Variants in PHF24 observed in about 807,000 individuals in gnomAD.
PHF24 encodes PHD finger protein 24.
Under a neutral mutation model 42.6 loss-of-function variants are expected in PHF24, and 25 were observed. The ratio of observed to expected loss-of-function variants is 0.59; its 90% CI spans 0.43 to 0.82. The LOEUF (loss-of-function observed/expected upper bound fraction) is 0.82. Ranked by LOEUF, PHF24 falls within the 40% of genes least tolerant of loss-of-function variation. The pLI is 0.00. For missense variants in PHF24, 470 were observed against 538.1 expected, an observed-to-expected ratio of 0.87 and a Z score of 1.25; for synonymous variants, 185 against 204.8, an observed-to-expected ratio of 0.90 and a Z score of 0.83.
At chr9:34,978,303 A>G in exon 8 of PHF24, 2 of 552,598 alleles carry the variant, frequency 3.6e-6, no homozygotes, top group South Asian at 2.2e-5. Context: ...CATTGCCACA[A>G]GGAGAAGCCC....
At chr9:34,893,147 C>G in the PHF24 span, 1 of 639,238 alleles carries the variant, frequency 1.6e-6, no homozygotes, top group Non-Finnish European at 2.4e-6. Flanking sequence ...AGGAAGCCAG[C>G]CCTGGCTGGG....
At chr9:34,721,695 G>A in the PHF24 span, among the ~76,000 whole-genome samples, 2 of 152,268 alleles carry the variant, frequency 1.3e-5, no homozygotes, top group Non-Finnish European at 2.9e-5. Flanking sequence ...ACAGGTGTGA[G>A]CCACTGTGCC....
chr9:34,784,543 G>A, the PHF24 span, among the ~76,000 whole-genome samples: 2 of 152,186 alleles, frequency 1.3e-5, no homozygotes, highest in African/African-American at 4.8e-5. Flanking sequence ...TAGTTCACAT[G>A]CATAGTCTGA....
chr9:34,956,280 G>A (rs780103385), upstream of PHF24, among the ~76,000 whole-genome samples: 4 of 152,196 alleles, frequency 2.6e-5, no homozygotes, highest in Non-Finnish European at 4.4e-5. Context: ...GTGTGTGTGT[G>A]ACGGAGTTTC....
chr9:34,917,883 A>G, the PHF24 span: 8 of 1,580,150 alleles, frequency 5.1e-6, no homozygotes, highest in South Asian at 1.1e-5. Flanking sequence ...AGTGATAGCA[A>G]CCTTTGATCC....
chr9:34,867,946 C>T, the PHF24 span, among the ~76,000 whole-genome samples: 2 of 152,126 alleles, frequency 1.3e-5, no homozygotes, highest in South Asian at 2.1e-4. Context: ...ACTTGTGCCC[C>T]GCCACAAGTC....
intron 3 of PHF24, among the ~76,000 whole-genome samples, chr9:34,973,925 G>GCTC (rs1827096454): frequency 6.6e-6 from 1 of 152,144 alleles, no homozygotes; most frequent in African/African-American, 2.4e-5. Flanking sequence ...TTGCCACCAT[G>GCTC]CTCCACTGGG....
At chr9:34,815,619 GC>G in the PHF24 span, among the ~76,000 whole-genome samples, 1 of 152,176 alleles carries the variant, frequency 6.6e-6, no homozygotes, top group Non-Finnish European at 1.5e-5. Context: ...ACCATGCCTG[GC>G]CCCCTTCCTT....
At chr9:34,682,787 T>C in the PHF24 span, among the ~76,000 whole-genome samples, 189 of 152,114 alleles carry the variant, frequency 1.2e-3, 1 homozygote, top group African/African-American at 3.6e-3. Flanking sequence ...AGGAAACTAG[T>C]AGTGATGTGA....
the PHF24 span, among the ~76,000 whole-genome samples, chr9:34,886,942 G>A: frequency 2.0e-4 from 31 of 151,976 alleles, no homozygotes; most frequent in African/African-American, 6.0e-4. Flanking sequence ...AGCAACATAC[G>A]TTATCTAAGC....
chr9:34,895,698 A>G, the PHF24 span: 5 of 404,946 alleles, frequency 1.2e-5, no homozygotes, highest in East Asian at 1.8e-4. Context: ...CCAACATCCC[A>G]CAAAACAAAG....
the PHF24 span, among the ~76,000 whole-genome samples, chr9:34,800,552 A>C: frequency 6.6e-6 from 1 of 152,222 alleles, no homozygotes; most frequent in Admixed American, 6.5e-5. Context: ...AACTTGACAA[A>C]AACAAGCAAT....
At chr9:34,977,239 G>A in exon 6 of PHF24, 2 of 1,605,774 alleles carry the variant, frequency 1.2e-6, no homozygotes, top group Middle Eastern at 1.7e-4. Flanking sequence ...TTCCTGCAGT[G>A]TCAGGTCTGC....
chr9:34,691,343 A>G, the PHF24 span: 2 of 512,806 alleles, frequency 3.9e-6, no homozygotes, highest in Non-Finnish European at 7.0e-6. Flanking sequence ...ATTCCCCTTC[A>G]TGTCCCATTC....
At chr9:34,903,484 T>TTGAGGCAG in the PHF24 span, among the ~76,000 whole-genome samples, 1 of 152,216 alleles carries the variant, frequency 6.6e-6, no homozygotes, top group Non-Finnish European at 1.5e-5. Flanking sequence ...GAGAATCACT[T>TTGAGGCAG]GAGCCCAAGA....
chr9:34,820,192 C>T, the PHF24 span, among the ~76,000 whole-genome samples: 1 of 150,468 alleles, frequency 6.6e-6, no homozygotes, highest in Admixed American at 6.6e-5. Context: ...ACATTTTAAA[C>T]TTACTTGTGT....
chr9:34,879,525 GAA>G, the PHF24 span, among the ~76,000 whole-genome samples: 2 of 152,170 alleles, frequency 1.3e-5, no homozygotes, highest in Non-Finnish European at 2.9e-5. Context: ...TGATGGAGCT[GAA>G]AACCATGGCA....
chr9:34,786,289 C>G, the PHF24 span, among the ~76,000 whole-genome samples: 1 of 152,340 alleles, frequency 6.6e-6, no homozygotes, highest in African/African-American at 2.4e-5. Flanking sequence ...ATCAAGTACA[C>G]ATACTACAGA....
At chr9:34,861,864 C>G in the PHF24 span, among the ~76,000 whole-genome samples, 2 of 152,186 alleles carry the variant, frequency 1.3e-5, no homozygotes, top group Middle Eastern at 6.3e-3. Flanking sequence ...TTTAACCAAA[C>G]CTAACATCAT....
Sources: allele counts gnomAD v4.1 joint callset (sites outside exome capture counted in the v4.1 genomes callset), GRCh38; gene constraint gnomAD v4.1.1; transcripts MANE v1.5; gene names NCBI Gene and HGNC (gene_info 2026-07-23, HGNC 2026-07-21).